Variants in TMC1 observed in about 807,000 individuals in gnomAD.
The protein encoded by TMC1 is transmembrane channel-like protein 1.
In TMC1, 84 loss-of-function variants were observed where a neutral mutation model predicts 105.8. The observed-to-expected ratio is 0.79, with a 90% confidence interval of 0.67 to 0.95. The LOEUF is 0.95. Among genes scored for constraint, TMC1 ranks in the 40% least tolerant of loss-of-function variants. The pLI is 0.00. For missense variants in TMC1, 817 were observed against 914.1 expected (o/e 0.89, Z 1.37); for synonymous variants, 315 against 311.5 (o/e 1.01, Z -0.12).
At chr9:72,556,351 A>G (rs1397591880) in intron 1 of TMC1, among the ~76,000 whole-genome samples, 1 of 151,332 alleles carries the variant, frequency 6.6e-6, no homozygotes, top group Non-Finnish European at 1.5e-5. Context: ...TCCTGACCTC[A>G]GGTGATCCAC....
intron 2 of TMC1, among the ~76,000 whole-genome samples, chr9:72,589,574 C>T (rs976981834): frequency 1.9e-4 from 29 of 152,110 alleles, no homozygotes; most frequent in African/African-American, 6.8e-4. Context: ...ATTTAGACTT[C>T]AAAGCATGTC....
chr9:72,550,436 C>G (rs1029031794), intron 1 of TMC1, among the ~76,000 whole-genome samples: 1 of 151,674 alleles, frequency 6.6e-6, no homozygotes, highest in African/African-American at 2.4e-5. Flanking sequence ...CCACTGCACT[C>G]TAGCCTAGGT....
At chr9:72,667,259 G>A (rs889072557) in intron 5 of TMC1, among the ~76,000 whole-genome samples, 2 of 152,128 alleles carry the variant, frequency 1.3e-5, no homozygotes, top group African/African-American at 4.8e-5. Flanking sequence ...ATTCCAGGTT[G>A]ACTTTCGGGT....
intron 20 of TMC1, among the ~76,000 whole-genome samples, chr9:72,825,199 G>T (rs765077350): frequency 6.6e-6 from 1 of 152,126 alleles, no homozygotes; most frequent in Non-Finnish European, 1.5e-5. Flanking sequence ...AGAGACACAG[G>T]GTTAAGTCCA....
At chr9:72,704,138 C>G (rs1349660413) in intron 8 of TMC1, among the ~76,000 whole-genome samples, 1 of 152,116 alleles carries the variant, frequency 6.6e-6, no homozygotes, top group Non-Finnish European at 1.5e-5. Context: ...TCAGAGACAT[C>G]TAACTTTGAG....
intron 2 of TMC1, among the ~76,000 whole-genome samples, chr9:72,601,354 G>GA (rs765309648): frequency 1.3e-5 from 2 of 150,818 alleles, no homozygotes; most frequent in African/African-American, 2.4e-5. Flanking sequence ...AAAAATATTT[G>GA]AAAAATTGGC....
At chr9:72,547,249 T>C (rs923904525) in intron 1 of TMC1, among the ~76,000 whole-genome samples, 3 of 143,766 alleles carry the variant, frequency 2.1e-5, no homozygotes, top group African/African-American at 7.9e-5. Context: ...ATTGTGTCAC[T>C]GCACTCCAGC....
At chr9:72,678,476 T>A (rs1222929761) in intron 5 of TMC1, among the ~76,000 whole-genome samples, 1 of 152,072 alleles carries the variant, frequency 6.6e-6, no homozygotes, top group African/African-American at 2.4e-5. Flanking sequence ...TATGCAGACT[T>A]TAGCAAGTCA....
At chr9:72,793,451 A>G (rs950734492) in intron 17 of TMC1, among the ~76,000 whole-genome samples, 2 of 152,182 alleles carry the variant, frequency 1.3e-5, no homozygotes, top group African/African-American at 2.4e-5. Flanking sequence ...CAGAGAGTCC[A>G]AGCCAACCAG....
Position 72,826,658 on chromosome 9 carries a change from A to G in TMC1, c.2004-211A>G, listed in dbSNP as rs145451761. On this transcript the variant is annotated intron_variant, in intron 20 of 23. Coordinates refer to ENST00000297784, the MANE Select transcript of TMC1 (RefSeq NM_138691.3). ...GGTTAATTTTCTAACTGCTTTGACT[A>G]TATGTTTATACTGGGATCATATTTC... is the stretch of plus-strand genomic sequence containing the variant. 9.6e-4 allele frequency among the ~76,000 whole-genome samples: 146 copies of G among 152,256 alleles called. 1 individual carries two copies. The highest frequency in any genetic ancestry group is 3.5e-3 in the African/African-American group (145 of 41,540).
rs929528648 is a variant in TMC1 at position 72,629,229 on chromosome 9, T to G, written c.-53+1166T>G. On this transcript the variant is annotated intron_variant, in intron 4 of 23. Coordinates refer to ENST00000297784, the MANE Select transcript of TMC1 (RefSeq NM_138691.3). ...AGTTTGAACCTAAGTCTGATGACTC[T>G]GAAGCTTATAGTCTTTCTATAAGCT... Among the ~76,000 whole-genome samples, 74 of 152,214 alleles carry G rather than the reference T, an allele frequency of 4.9e-4. 1 individual carries two copies. Among genetic ancestry groups the G allele is most frequent in the Admixed American group, 2.6e-4 (4 of 15,278 alleles).
chr9:72,599,076 G>A (rs1302824486), intron 2 of TMC1, among the ~76,000 whole-genome samples: 4 of 152,196 alleles, frequency 2.6e-5, no homozygotes, highest in Admixed American at 2.6e-4. Flanking sequence ...TGTCGCCCAG[G>A]CTGGAGTACA....
chr9:72,558,273 C>T (rs2132077051), intron 1 of TMC1, among the ~76,000 whole-genome samples: 1 of 152,306 alleles, frequency 6.6e-6, no homozygotes, highest in South Asian at 2.1e-4. Context: ...TTCCCAATCA[C>T]TCTCCTTACT....
chr9:72,582,178 A>G (rs1824486508), intron 2 of TMC1, among the ~76,000 whole-genome samples: 1 of 152,128 alleles, frequency 6.6e-6, no homozygotes, highest in Admixed American at 6.6e-5. Flanking sequence ...GCTGGTCTCT[A>G]ATTCCCGACC....
rs1007975292 is a variant in TMC1 at position 72,830,750 on chromosome 9, T to C, written c.2260+68T>C. ...TTTCTTTTTCTTTCTTTTTTTTTTT[T>C]TTTTGCTTTTTCTCCATTGGATGGT... is the stretch of plus-strand genomic sequence containing the variant. On this transcript the variant is annotated intron_variant, in intron 23 of 23. Coordinates refer to ENST00000297784, the MANE Select transcript of TMC1 (RefSeq NM_138691.3). 4 of 1,439,382 alleles carry C rather than the reference T, an allele frequency of 2.8e-6. No homozygotes were observed. In the Admixed American group the frequency reaches 8.3e-5, roughly 30 times the overall value. The allele number at this position is 1,439,382 out of a possible 1,614,324, so 89.2% of individuals were successfully genotyped here.
chr9:72,739,203 C>A (rs1209791704), intron 8 of TMC1, among the ~76,000 whole-genome samples: 1 of 152,174 alleles, frequency 6.6e-6, no homozygotes. Context: ...CTTGTGTCTT[C>A]ATGTAGTGGA....
At chr9:72,788,299 A>T (rs1564554099) in intron 13 of TMC1, 40 bp from the exon 14 acceptor site, 3 of 1,613,132 alleles carry the variant, frequency 1.9e-6, no homozygotes, top group Non-Finnish European at 8.5e-7. Context: ...CCCCTATCTC[A>T]TTTTTTCTGG....
intron 11 of TMC1, among the ~76,000 whole-genome samples, chr9:72,752,229 T>G (rs553402359): frequency 4.6e-5 from 7 of 152,312 alleles, no homozygotes; most frequent in Admixed American, 4.6e-4. Context: ...GTTTCATGGC[T>G]TCTTTCAGTT....
intron 23 of TMC1, among the ~76,000 whole-genome samples, 158 bp from the exon 24 acceptor site, chr9:72,835,793 T>C (rs1423024416): frequency 6.6e-6 from 1 of 152,072 alleles, no homozygotes; most frequent in Admixed American, 6.6e-5. Flanking sequence ...ATGGTAAATA[T>C]TATGGGAAAG....
Sources: gnomAD v4.1 joint callset for allele counts (sites outside exome capture counted in the v4.1 genomes callset) on GRCh38, gnomAD v4.1.1 for gene constraint, MANE v1.5 for transcripts, NCBI Gene and HGNC (gene_info 2026-07-23, HGNC 2026-07-21) for gene names.